The following BAIAP2 variants were observed in gnomAD, a reference collection of about 807,000 sequenced individuals.
BAIAP2 encodes the protein BAR/IMD domain containing adaptor protein 2, also known as BAR/IMD domain-containing adapter protein 2.
In BAIAP2, 18 loss-of-function variants were observed where a neutral mutation model predicts 63.0. The observed-to-expected ratio is 0.29, with a 90% CI of 0.20 to 0.42. BAIAP2 has a LOEUF of 0.42. Among genes scored for constraint, BAIAP2 ranks in the 10% least tolerant of loss-of-function variants. The probability of loss-of-function intolerance (pLI) is 1.00; values close to 1 mark genes in which losing one functional copy is unlikely to be tolerated. For missense variants in BAIAP2, 610 were observed against 734.3 expected, an observed-to-expected ratio of 0.83 and a Z score of 1.96; for synonymous variants, 386 against 307.6, an observed-to-expected ratio of 1.25 and a Z score of -2.67.
At chr17:81,037,464 G>A (rs1427218230) in intron 1 of BAIAP2, among the ~76,000 whole-genome samples, 2 of 152,272 alleles carry the variant, frequency 1.3e-5, no homozygotes, top group East Asian at 3.8e-4. Flanking sequence ...AGCTCAAGGT[G>A]CCTTGGTAGT....
At chr17:81,057,328 C>G (rs533107458) in intron 2 of BAIAP2, 3 of 152,538 alleles carry the variant, frequency 2.0e-5, no homozygotes, top group African/African-American at 4.8e-5. Flanking sequence ...AGATCAGACT[C>G]TGCCTCTGAG....
At chr17:81,052,250 G>T (rs752122878) in intron 1 of BAIAP2, among the ~76,000 whole-genome samples, 4 of 152,194 alleles carry the variant, frequency 2.6e-5, no homozygotes, top group Admixed American at 1.3e-4. Context: ...TCCACGTCTC[G>T]CTGAGCACGC....
intron 12 of BAIAP2, chr17:81,108,010 AG>A: frequency 5.7e-6 from 1 of 174,878 alleles, no homozygotes; most frequent in Non-Finnish European, 1.2e-5. Context: ...TCACCCTCCC[AG>A]GGGCCGGGAT....
intron 13 of BAIAP2, chr17:81,108,945 C>T (rs2059530580): frequency 1.3e-6 from 2 of 1,544,846 alleles, no homozygotes; most frequent in Non-Finnish European, 1.7e-6. Context: ...AGCCAGGCAG[C>T]CGTCCTGTGC....
intron 1 of BAIAP2, chr17:81,036,883 G>A (rs2046347112): frequency 1.3e-6 from 2 of 1,535,972 alleles, no homozygotes; most frequent in Admixed American, 2.0e-5. Context: ...AGAAGTACCA[G>A]CGGAACCTTT....
intron 13 of BAIAP2, among the ~76,000 whole-genome samples, chr17:81,114,426 GGCCCCTAGGCA>G (rs907535103): frequency 6.6e-6 from 1 of 152,084 alleles, no homozygotes; most frequent in African/African-American, 2.4e-5. Context: ...CTCACCAGCG[GGCCCCTAGGCA>G]GCCCCTACCC....
At chr17:81,035,988 G>A (rs1415175317) in intron 1 of BAIAP2, 4 of 152,264 alleles carry the variant, frequency 2.6e-5, no homozygotes, top group Non-Finnish European at 5.9e-5. Flanking sequence ...TTGTGTAGGA[G>A]GCTGACGTGC....
chr17:81,057,795 G>T lies in BAIAP2; in HGVS notation c.131-86G>T. The stretch of plus-strand genomic sequence containing the variant: ...CTGGGCAGGAGACAGGGTTGGGCCT[G>T]TGCGTGCCAAGACTGCCGTGTTTTT... On this transcript the variant is annotated intron_variant, in intron 2 of 13. Transcript: ENST00000428708. The T allele has an allele frequency of 2.0e-6, 3 of 1,517,818 alleles. No individual in the cohort carries two copies. The Admixed American group carries it at 5.9e-5, about 30-fold the overall frequency. The allele number at this position is 1,517,818 out of a possible 1,614,324, so 94.0% of individuals were successfully genotyped here. A position where few individuals can be genotyped will look rare whatever the true frequency, so the allele number is the denominator to read the frequency against.
chr17:81,094,534 C>T (rs2057321592), intron 6 of BAIAP2, among the ~76,000 whole-genome samples: 1 of 152,234 alleles, frequency 6.6e-6, no homozygotes, highest in Non-Finnish European at 1.5e-5. Context: ...CTTCCACCTG[C>T]CACCGGGGCC....
rs891047854 is a variant in BAIAP2, at chr17:81,046,020, C to T, written c.55-7648C>T. ...GGGCTCATGGTGGGGGCCCCTGGCA[C>T]GGCAGAGGGGTTTGGCCACCCAGTT... is the stretch of plus-strand genomic sequence containing the variant. On this transcript the variant is annotated intron_variant, in intron 1 of 13. Transcript: ENST00000428708. This position sits in a 1 kb window ranked among gnomAD's most constrained non-coding sequence, Gnocchi z 4.5. 8.5e-5 allele frequency among the ~76,000 whole-genome samples: 13 copies of T among 152,248 alleles called. No homozygotes were observed. Among genetic ancestry groups the T allele is most frequent in the East Asian group, 5.8e-4 (3 of 5,160 alleles).
At chr17:81,075,244 G>A (rs529263230) in intron 3 of BAIAP2, among the ~76,000 whole-genome samples, 22 of 152,334 alleles carry the variant, frequency 1.4e-4, no homozygotes, top group African/African-American at 5.3e-4. Flanking sequence ...TGGGTCTGGG[G>A]CATCTTGTGG....
intron 6 of BAIAP2, among the ~76,000 whole-genome samples, chr17:81,092,524 C>G (rs1285236468): frequency 1.3e-5 from 2 of 152,168 alleles, no homozygotes; most frequent in East Asian, 1.9e-4. Flanking sequence ...GGGGCTGGGC[C>G]CGGGGGCCTC....
intron 10 of BAIAP2, among the ~76,000 whole-genome samples, 188 bp downstream of exon 10, chr17:81,104,903 C>G (rs891491650): frequency 2.6e-5 from 4 of 152,028 alleles, no homozygotes; most frequent in African/African-American, 9.7e-5. Flanking sequence ...GGCGTCTTCT[C>G]CCCTGGCAGG....
intron 10 of BAIAP2, 66 bp downstream of exon 10, chr17:81,104,781 A>G (rs2058921804): frequency 6.9e-7 from 1 of 1,444,896 alleles, no homozygotes; most frequent in East Asian, 2.5e-5. Flanking sequence ...GGGCAGCGAC[A>G]CTCAAGTGCA....
chr17:81,092,224 A>C (rs962701880), intron 6 of BAIAP2, among the ~76,000 whole-genome samples: 1 of 152,248 alleles, frequency 6.6e-6, no homozygotes, highest in Non-Finnish European at 1.5e-5. Flanking sequence ...GGGAGCTGTG[A>C]GGCTGCTGGG....
chr17:81,109,873 T>C, intron 13 of BAIAP2: 1 of 985,282 alleles, frequency 1.0e-6, no homozygotes, highest in Non-Finnish European at 1.2e-6. Context: ...GCTACCTGGC[T>C]GCTCTGGGCA....
chr17:81,112,929 G>A (rs770977033), intron 13 of BAIAP2, among the ~76,000 whole-genome samples: 4 of 152,094 alleles, frequency 2.6e-5, no homozygotes, highest in Non-Finnish European at 2.9e-5. Context: ...GGTGGCACGC[G>A]TCTGTAGTCC....
intron 10 of BAIAP2, 108 bp downstream of exon 10, chr17:81,104,823 GT>G (rs2058928661): frequency 8.2e-7 from 1 of 1,223,518 alleles, no homozygotes; most frequent in Non-Finnish European, 1.1e-6. Flanking sequence ...GGCTGTGCAG[GT>G]TGCGGGTCCT....
chr17:81,080,519 G>C (rs887611534), intron 3 of BAIAP2, among the ~76,000 whole-genome samples: 1 of 152,230 alleles, frequency 6.6e-6, no homozygotes, highest in African/African-American at 2.4e-5. Flanking sequence ...GCACGGGCGG[G>C]TGGTGATGAC....
Sources: gnomAD v4.1 joint callset for allele counts (sites outside exome capture counted in the v4.1 genomes callset) on GRCh38, gnomAD v4.1.1 for gene constraint, Gnocchi (gnomAD v3.1) non-coding constraint, MANE v1.5 for transcripts, NCBI Gene and HGNC (gene_info 2026-07-23, HGNC 2026-07-21) for gene names.